The following GPHN variants were observed in gnomAD, a reference collection of about 807,000 sequenced individuals.
GPHN encodes gephyrin.
A neutral mutation model predicts 95.5 loss-of-function variants in GPHN; 17 were observed. That is an observed-to-expected ratio of 0.18 (90% confidence interval 0.12 to 0.27). The LOEUF (loss-of-function observed/expected upper bound fraction) is 0.27, where lower values mean the gene tolerates loss of function less well. Among genes scored for constraint, GPHN ranks in the 10% least tolerant of loss-of-function variants. The pLI is 1.00. For missense variants in GPHN, 660 were observed against 978.1 expected (o/e 0.67, Z 4.34); for synonymous variants, 320 against 322.5 (o/e 0.99, Z 0.08).
chr14:67,414,871 G>A, the GPHN span, among the ~76,000 whole-genome samples: 1 of 152,244 alleles, frequency 6.6e-6, no homozygotes, highest in African/African-American at 2.4e-5. Flanking sequence ...TTATAAATGA[G>A]GACCCTCAAA....
chr14:67,565,938 G>A, the GPHN span, among the ~76,000 whole-genome samples: 2 of 152,124 alleles, frequency 1.3e-5, no homozygotes, highest in Admixed American at 1.3e-4. Flanking sequence ...TGGCCAACAT[G>A]GCGAAACCCC....
Position 67,181,382 on chromosome 14 carries a change from CT to C in GPHN, c.*447del, listed in dbSNP as rs1441949099. On this transcript the variant is annotated 3_prime_UTR_variant, in exon 23 of 23. Transcript: ENST00000478722. ...ATAACTGCTTTACAGAGAGCTTTTG[CT>C]TGTTCTTTCTCATGTATCTCGTGTT... 1 of 467,872 alleles carries C rather than the reference CT, an allele frequency of 2.1e-6. No homozygotes were observed. Among genetic ancestry groups the C allele is most frequent in the Admixed American group, 3.2e-5 (1 of 31,590 alleles). The allele number at this position is 467,872 out of a possible 1,614,324, so 29.0% of individuals were successfully genotyped here. A position where few individuals can be genotyped will look rare whatever the true frequency, so the allele number is the denominator to read the frequency against.
chr14:67,602,197 A>T, the GPHN span, among the ~76,000 whole-genome samples: 2 of 152,330 alleles, frequency 1.3e-5, no homozygotes, highest in South Asian at 4.1e-4. Context: ...TAATGGTGGA[A>T]GGCAAAGGGG....
At chr14:67,072,409 G>A (rs1413977269) in intron 11 of GPHN, among the ~76,000 whole-genome samples, 1 of 152,008 alleles carries the variant, frequency 6.6e-6, no homozygotes, top group African/African-American at 2.4e-5. Context: ...TTAAGTTTGA[G>A]TGATTCACTT....
chr14:67,046,733 GT>G (rs1294925396), intron 10 of GPHN, among the ~76,000 whole-genome samples: 1 of 152,138 alleles, frequency 6.6e-6, no homozygotes, highest in Non-Finnish European at 1.5e-5. Context: ...AAGTAGAAAA[GT>G]TGTAAAACTA....
At chr14:66,662,753 T>A (rs2065736171) in intron 1 of GPHN, among the ~76,000 whole-genome samples, 1 of 152,144 alleles carries the variant, frequency 6.6e-6, no homozygotes, top group Non-Finnish European at 1.5e-5. Context: ...ACTGACAAGG[T>A]AAAATAGCCA....
At chr14:66,788,105 G>A (rs569803714) in intron 3 of GPHN, among the ~76,000 whole-genome samples, 3 of 149,022 alleles carry the variant, frequency 2.0e-5, no homozygotes, top group Non-Finnish European at 3.0e-5. Context: ...CGAGGCAGGC[G>A]GATTACCAAC....
At chr14:67,197,989 G>C in the GPHN span, 3 of 675,876 alleles carry the variant, frequency 4.4e-6, no homozygotes, top group Non-Finnish European at 7.3e-6. Flanking sequence ...GTCCTGTTTA[G>C]ATGTATGTAT....
chr14:66,984,702 A>G (rs1795668440), intron 9 of GPHN, among the ~76,000 whole-genome samples: 1 of 152,170 alleles, frequency 6.6e-6, no homozygotes, highest in South Asian at 2.1e-4. Context: ...TTGGCATCAC[A>G]CTGATATTTC....
chr14:67,323,261 G>GTGTATATATATA, the GPHN span, among the ~76,000 whole-genome samples: 58 of 124,188 alleles, frequency 4.7e-4, no homozygotes, highest in Middle Eastern at 4.1e-3. Flanking sequence ...GTGTGTGTGT[G>GTGTATATATATA]TATATATATA....
At chr14:67,506,054 G>A in the GPHN span, among the ~76,000 whole-genome samples, 1 of 152,184 alleles carries the variant, frequency 6.6e-6, no homozygotes, top group African/African-American at 2.4e-5. Flanking sequence ...AATTGGGAGG[G>A]TAAGGAGAGT....
chr14:67,359,812 G>C, the GPHN span: 1 of 1,235,830 alleles, frequency 8.1e-7, no homozygotes, highest in Non-Finnish European at 1.2e-6. Flanking sequence ...TGTGTCACTT[G>C]ACCCCTCTTG....
At chr14:67,344,603 G>A in the GPHN span, among the ~76,000 whole-genome samples, 1 of 152,176 alleles carries the variant, frequency 6.6e-6, no homozygotes, top group Non-Finnish European at 1.5e-5. Context: ...ACTGGGCTGG[G>A]TGAGGTGGCT....
the GPHN span, among the ~76,000 whole-genome samples, chr14:67,424,597 T>TA: frequency 0.51 from 63,642 of 124,750 alleles, 17,023 homozygotes; most frequent in African/African-American, 0.71. Flanking sequence ...AGACGCTGTT[T>TA]AAAAAAAAAA....
rs530144014 is a variant in GPHN at position 66,725,962 on chromosome 14, T to C, written c.143+44777T>C. On this transcript the variant is annotated intron_variant, in intron 2 of 22. Transcript: ENST00000478722. The stretch of plus-strand genomic sequence containing the variant: ...TATTGTACCATGATGATAAATCTGG[T>C]CCTTAGCATAGTAATTGTTATTTTC... Among the ~76,000 whole-genome samples, 20 of 152,316 alleles carry C rather than the reference T, an allele frequency of 1.3e-4. No individual in the cohort carries two copies. The East Asian group carries it at 1.5e-3, about 12-fold the overall frequency.
intron 4 of GPHN, among the ~76,000 whole-genome samples, chr14:66,844,987 A>G (rs1399198953): frequency 6.6e-6 from 1 of 152,048 alleles, no homozygotes; most frequent in Non-Finnish European, 1.5e-5. Context: ...TTTGTCTTTC[A>G]GTGTCTAGCT....
chr14:66,956,873 C>A (rs1008077304), intron 8 of GPHN, among the ~76,000 whole-genome samples: 6 of 146,602 alleles, frequency 4.1e-5, no homozygotes, highest in African/African-American at 1.5e-4. Context: ...AACAAAAAAC[C>A]AAACACCGCA....
intron 3 of GPHN, among the ~76,000 whole-genome samples, chr14:66,799,373 T>A (rs1017271034): frequency 6.6e-6 from 1 of 151,952 alleles, no homozygotes; most frequent in African/African-American, 2.4e-5. Flanking sequence ...TTCTTTGATT[T>A]TCTTCCTGGA....
chr14:66,892,640 G>A (rs1301414680), intron 5 of GPHN, among the ~76,000 whole-genome samples: 1 of 152,112 alleles, frequency 6.6e-6, no homozygotes, highest in Non-Finnish European at 1.5e-5. Context: ...TGAAAACATT[G>A]TGCTAAATGA....
Sources: gnomAD v4.1 joint callset for allele counts (sites outside exome capture counted in the v4.1 genomes callset) on GRCh38, gnomAD v4.1.1 for gene constraint, MANE v1.5 for transcripts, NCBI Gene and HGNC (gene_info 2026-07-23, HGNC 2026-07-21) for gene names.